The following DST variants were observed in gnomAD, a reference collection of about 807,000 sequenced individuals.
DST encodes dystonin, also known as bullous pemphigoid antigen.
DST carries 253 observed loss-of-function variants against 875.2 expected under a neutral mutation model. That is an observed-to-expected ratio of 0.29 (90% CI 0.26 to 0.32). The LOEUF is 0.32. DST is among the 10% of genes least tolerant of loss of function. The pLI is 1.00. For missense variants in DST, 8,287 were observed against 9,111.6 expected (o/e 0.91, Z 3.68); for synonymous variants, 3,124 against 3,197.1 (o/e 0.98, Z 0.77).
At chr6:56,925,355 T>A (rs556728456) in intron 2 of DST, among the ~76,000 whole-genome samples, 13 of 152,264 alleles carry the variant, frequency 8.5e-5, no homozygotes, top group African/African-American at 3.1e-4. Context: ...CGAAATAACA[T>A]TAATAGGGAG....
intron 2 of DST, among the ~76,000 whole-genome samples, chr6:56,940,569 C>CTT (rs58560493): frequency 6.7e-6 from 1 of 148,452 alleles, no homozygotes; most frequent in African/African-American, 2.5e-5. Context: ...TTCTCTTATC[C>CTT]TTTTTTTTTT....
At chr6:56,721,562 C>T (rs988821936) in intron 5 of DST, among the ~76,000 whole-genome samples, 4 of 152,186 alleles carry the variant, frequency 2.6e-5, no homozygotes, top group Non-Finnish European at 5.9e-5. Flanking sequence ...TGGCTTCAGC[C>T]GGTCCCTCCG....
chr6:56,759,052 C>G (rs2099610965), intron 4 of DST, among the ~76,000 whole-genome samples: 1 of 152,214 alleles, frequency 6.6e-6, no homozygotes, highest in African/African-American at 2.4e-5. Flanking sequence ...CACTCCCCAC[C>G]TCTCGACTGC....
intron 99 of DST, among the ~76,000 whole-genome samples, chr6:56,465,304 T>C (rs527400677): frequency 4.6e-5 from 7 of 152,272 alleles, no homozygotes; most frequent in Admixed American, 6.5e-5. Flanking sequence ...ACATTTGTTG[T>C]TTGCTAAAAA....
chr6:56,898,229 G>A (rs1792383786), intron 3 of DST, among the ~76,000 whole-genome samples: 1 of 152,120 alleles, frequency 6.6e-6, no homozygotes, highest in South Asian at 2.1e-4. Context: ...ACTCTGATAG[G>A]AAGGATCAGA....
At chr6:56,665,088 T>C (rs1588104775) in intron 10 of DST, among the ~76,000 whole-genome samples, 2 of 152,206 alleles carry the variant, frequency 1.3e-5, no homozygotes, top group Non-Finnish European at 2.9e-5. Flanking sequence ...TAATGTGACA[T>C]ACTAAAACTG....
At chr6:56,479,624 C>T (rs531078038) in intron 90 of DST, among the ~76,000 whole-genome samples, 38 of 152,260 alleles carry the variant, frequency 2.5e-4, no homozygotes, top group Non-Finnish European at 4.9e-4. Flanking sequence ...ATGTACTTTG[C>T]AGCAACATGC....
intron 61 of DST, chr6:56,540,357 T>C (rs1324267836): frequency 6.6e-6 from 1 of 152,662 alleles, no homozygotes; most frequent in Non-Finnish European, 1.5e-5. Flanking sequence ...GCTGCTTTCT[T>C]TCTTGCTGAT....
At chr6:56,600,432 A>C (rs543556622) in intron 44 of DST, among the ~76,000 whole-genome samples, 1 of 152,202 alleles carries the variant, frequency 6.6e-6, no homozygotes, top group East Asian at 1.9e-4. Context: ...TCATGTTTAG[A>C]TGAAACTGCT....
In DST at chr6:56,476,185, C is replaced by A. The variant is rs759379590; in HGVS notation, c.21828G>T (p.Glu7276Asp). ...CAATGAGTGCTTTCACCTCTTCGATCTCCTGGGGGATGACTTCTTTATCCT... is the reference window on the plus strand; with the variant it reads ...CAATGAGTGCTTTCACCTCTTCGATATCCTGGGGGATGACTTCTTTATCCT... ...TDKDKEVIPQ[E>D]IEEVKALIAE... The change falls in exon 92 of 104, where the codon GAG becomes GAT. Residue 7276 changes from glutamate to aspartate, a missense_variant. By Grantham distance (45) the Glu-to-Asp change is conservative. This residue lies in a region of DST where 1,292 missense variants were observed against 1,552.7 expected (regional missense o/e 0.83). Coordinates refer to ENST00000680361, the MANE Select transcript of DST (RefSeq NM_001374736.1). 1 of 1,612,126 alleles carries A rather than the reference C, an allele frequency of 6.2e-7. No individual in the cohort carries two copies. The highest frequency in any genetic ancestry group is 1.7e-5 in the Admixed American group (1 of 59,758).
chr6:56,738,380 G>T (rs572289716), intron 4 of DST, among the ~76,000 whole-genome samples: 1 of 152,274 alleles, frequency 6.6e-6, no homozygotes, highest in East Asian at 1.9e-4. Flanking sequence ...GAGTGCAACG[G>T]CATGATCTCA....
intron 12 of DST, among the ~76,000 whole-genome samples, chr6:56,649,414 TTTAA>T (rs1411700862): frequency 1.3e-5 from 2 of 152,148 alleles, no homozygotes; most frequent in Admixed American, 1.3e-4. Context: ...AAGAGCAGTA[TTTAA>T]TTAAGTGTTG....
chr6:56,492,383 G>A lies in DST; in HGVS notation c.20601C>T (p.Asp6867=). 1 of 1,613,642 alleles carries A rather than the reference G, an allele frequency of 6.2e-7. No individual in the cohort carries two copies. The highest frequency in any genetic ancestry group is 8.5e-7 in the Non-Finnish European group (1 of 1,179,796). ...NSHREQIIEL[D]KTGTHLKYFS... is the part of the protein sequence containing the mutation. ...AATATTTTAGGTGGGTTCCAGTTTTGTCCAGCTCTATTATCTGCTCACGAT... is the reference window on the plus strand; with the variant it reads ...AATATTTTAGGTGGGTTCCAGTTTTATCCAGCTCTATTATCTGCTCACGAT... Residue 6867 remains aspartate (D), a synonymous_variant, in exon 85 of 104, where the codon GAC becomes GAT. Coordinates refer to ENST00000680361, the MANE Select transcript of DST (RefSeq NM_001374736.1).
intron 37 of DST, among the ~76,000 whole-genome samples, chr6:56,612,713 T>C (rs929268321): frequency 6.6e-6 from 1 of 152,226 alleles, no homozygotes; most frequent in Non-Finnish European, 1.5e-5. Flanking sequence ...CATACTTATA[T>C]TAACTAAAAT....
chr6:56,803,113 C>T (rs1319964656), intron 4 of DST, among the ~76,000 whole-genome samples: 1 of 152,134 alleles, frequency 6.6e-6, no homozygotes, highest in African/African-American at 2.4e-5. Flanking sequence ...TCACAAAAAT[C>T]AGGGAAGTGG....
At chr6:56,822,636 C>T (rs1210160563) in intron 4 of DST, among the ~76,000 whole-genome samples, 3 of 151,974 alleles carry the variant, frequency 2.0e-5, no homozygotes, top group African/African-American at 7.3e-5. Context: ...ACAAAAATTT[C>T]CCAGATCCTC....
intron 4 of DST, among the ~76,000 whole-genome samples, chr6:56,745,599 A>G (rs1343196850): frequency 6.6e-6 from 1 of 152,224 alleles, no homozygotes; most frequent in Non-Finnish European, 1.5e-5. Flanking sequence ...ACCAAAAAAA[A>G]CTAAACAAAA....
At chr6:56,744,957 G>A (rs1222178573) in intron 4 of DST, among the ~76,000 whole-genome samples, 1 of 152,098 alleles carries the variant, frequency 6.6e-6, no homozygotes, top group African/African-American at 2.4e-5. Context: ...TACAACTGAT[G>A]TTCATGTTCT....
At chr6:56,921,579 TA>T (rs1804231823) in intron 2 of DST, among the ~76,000 whole-genome samples, 1 of 152,254 alleles carries the variant, frequency 6.6e-6, no homozygotes, top group Non-Finnish European at 1.5e-5. Flanking sequence ...ATTGAATTAC[TA>T]ATTCACATAG....
Sources: allele counts gnomAD v4.1 joint callset (sites outside exome capture counted in the v4.1 genomes callset), GRCh38; gene constraint gnomAD v4.1.1; regional missense constraint gnomAD v4.1.1; transcripts MANE v1.5; gene names NCBI Gene and HGNC (gene_info 2026-07-23, HGNC 2026-07-21).